The following CNTNAP2 variants were observed in gnomAD, a reference collection of about 807,000 sequenced individuals.
The protein encoded by CNTNAP2 is contactin-associated protein-like 2.
In CNTNAP2, 98 loss-of-function variants were observed where a neutral mutation model predicts 155.2. That is an observed-to-expected ratio of 0.63 (90% CI 0.54 to 0.75). CNTNAP2 has a LOEUF of 0.75. CNTNAP2 is among the 30% of genes least tolerant of loss of function. CNTNAP2 has a pLI of 0.00. For missense variants in CNTNAP2, 1,727 were observed against 1,688.1 expected (o/e 1.02, Z -0.40); for synonymous variants, 651 against 631.2 (o/e 1.03, Z -0.47).
intron 15 of CNTNAP2, among the ~76,000 whole-genome samples, chr7:148,089,074 T>G (rs901182717): frequency 1.3e-5 from 2 of 152,042 alleles, no homozygotes; most frequent in African/African-American, 4.8e-5. Context: ...TCTCAATAGA[T>G]GCAGAAAAGT....
chr7:147,181,452 T>C (rs1802454172), intron 8 of CNTNAP2, among the ~76,000 whole-genome samples: 1 of 152,242 alleles, frequency 6.6e-6, no homozygotes, highest in South Asian at 2.1e-4. Context: ...TTTAAAAGTT[T>C]AGATAATGTA....
At chr7:146,659,191 A>G (rs1340760498) in intron 1 of CNTNAP2, among the ~76,000 whole-genome samples, 1 of 152,230 alleles carries the variant, frequency 6.6e-6, no homozygotes, top group Non-Finnish European at 1.5e-5. Context: ...GGCGCAGAGA[A>G]GATTATGGGA....
intron 3 of CNTNAP2, among the ~76,000 whole-genome samples, chr7:146,931,082 G>A (rs1227441295): frequency 0.032 from 4,792 of 151,100 alleles, 109 homozygotes; most frequent in Non-Finnish European, 0.045. Flanking sequence ...TGCACCAAGT[G>A]GACCTAATAG....
At chr7:148,026,187 A>T (rs911108562) in intron 15 of CNTNAP2, among the ~76,000 whole-genome samples, 1 of 152,012 alleles carries the variant, frequency 6.6e-6, no homozygotes. Flanking sequence ...GGCGGCTCAC[A>T]CCTGTAATCC....
intron 22 of CNTNAP2, among the ~76,000 whole-genome samples, chr7:148,387,789 A>G (rs887937163): frequency 2.6e-5 from 4 of 152,192 alleles, no homozygotes; most frequent in African/African-American, 9.6e-5. Flanking sequence ...TGTCAAGACT[A>G]TACTTCTGTC....
At chr7:146,597,362 C>A (rs1798878616) in intron 1 of CNTNAP2, among the ~76,000 whole-genome samples, 1 of 151,736 alleles carries the variant, frequency 6.6e-6, no homozygotes, top group Non-Finnish European at 1.5e-5. Flanking sequence ...TCATTGTTGG[C>A]TTTAGAAATA....
intron 1 of CNTNAP2, among the ~76,000 whole-genome samples, chr7:146,602,714 C>T: frequency 6.6e-6 from 1 of 152,048 alleles, no homozygotes; most frequent in East Asian, 1.9e-4. Flanking sequence ...AAATATTATA[C>T]TAAAGTCTAT....
intron 1 of CNTNAP2, among the ~76,000 whole-genome samples, chr7:146,342,074 A>G (rs1470754374): frequency 6.6e-6 from 1 of 152,140 alleles, no homozygotes; most frequent in African/African-American, 2.4e-5. Context: ...ATAAACTCTA[A>G]AAATCATGGT....
chr7:146,225,756 TA>T (rs1799283267), intron 1 of CNTNAP2, among the ~76,000 whole-genome samples: 1 of 152,210 alleles, frequency 6.6e-6, no homozygotes, highest in Non-Finnish European at 1.5e-5. Flanking sequence ...GTCTTCTGCC[TA>T]AAATCTCCTA....
chr7:146,627,296 T>G (rs725205), intron 1 of CNTNAP2, among the ~76,000 whole-genome samples: 9,588 of 152,180 alleles, frequency 0.063, 450 homozygotes, highest in African/African-American at 0.12. Context: ...AGATGAGATT[T>G]GGGTGGGGAC....
chr7:146,571,912 T>C (rs979085163), intron 1 of CNTNAP2, among the ~76,000 whole-genome samples: 9 of 152,116 alleles, frequency 5.9e-5, no homozygotes, highest in Admixed American at 4.6e-4. Context: ...TTTGTATTTT[T>C]AGTAGAGACA....
intron 1 of CNTNAP2, among the ~76,000 whole-genome samples, chr7:146,139,812 T>G (rs919066783): frequency 1.3e-5 from 2 of 152,190 alleles, no homozygotes; most frequent in African/African-American, 4.8e-5. Context: ...GTTTTCTCAT[T>G]TGTAAAATAA....
At chr7:146,157,222 A>G (rs1055716288) in intron 1 of CNTNAP2, among the ~76,000 whole-genome samples, 9 of 152,130 alleles carry the variant, frequency 5.9e-5, no homozygotes, top group Non-Finnish European at 1.3e-4. Flanking sequence ...AATTTTTAAT[A>G]CAATTTGAGA....
chr7:146,762,161 T>C (rs1211456232), intron 1 of CNTNAP2, among the ~76,000 whole-genome samples: 1 of 152,186 alleles, frequency 6.6e-6, no homozygotes, highest in Non-Finnish European at 1.5e-5. Context: ...AGAGCCCTTA[T>C]ATAGAAATTT....
At chr7:147,762,158 C>T (rs1797312600) in intron 13 of CNTNAP2, among the ~76,000 whole-genome samples, 1 of 138,792 alleles carries the variant, frequency 7.2e-6, no homozygotes, top group Admixed American at 8.3e-5. Context: ...CTCTGTCTCA[C>T]ACACACACAC....
intron 18 of CNTNAP2, among the ~76,000 whole-genome samples, chr7:148,189,114 C>G (rs1795164370): frequency 6.6e-6 from 1 of 152,196 alleles, no homozygotes; most frequent in Admixed American, 6.5e-5. Context: ...ATTTTCTAAA[C>G]ACAGTGCCAA....
chr7:147,981,112 T>C (rs1801521375), intron 15 of CNTNAP2, among the ~76,000 whole-genome samples: 1 of 152,192 alleles, frequency 6.6e-6, no homozygotes, highest in African/African-American at 2.4e-5. Context: ...AAGAAAATAC[T>C]TCTTTGAAAA....
chr7:147,204,390 T>TTATTTG (rs1305397350), intron 8 of CNTNAP2, among the ~76,000 whole-genome samples: 1 of 152,230 alleles, frequency 6.6e-6, no homozygotes, highest in South Asian at 2.1e-4. Flanking sequence ...TAAATTTAGA[T>TTATTTG]TATTTGCTCA....
At chr7:148,037,747 C>A (rs1802597456) in intron 15 of CNTNAP2, among the ~76,000 whole-genome samples, 1 of 151,888 alleles carries the variant, frequency 6.6e-6, no homozygotes. Context: ...TCTTACTGTG[C>A]CTCATTTATA....
Sources: allele counts gnomAD v4.1 joint callset (sites outside exome capture counted in the v4.1 genomes callset), GRCh38; gene constraint gnomAD v4.1.1; transcripts MANE v1.5; gene names NCBI Gene and HGNC (gene_info 2026-07-23, HGNC 2026-07-21).